The following PLEKHH1 variants were observed in gnomAD, a reference collection of about 807,000 sequenced individuals.
PLEKHH1 encodes pleckstrin homology, MyTH4 and FERM domain containing H1, also known as pleckstrin homology domain-containing family H member 1.
In PLEKHH1, 104 loss-of-function variants were observed where a neutral mutation model predicts 160.0. The observed-to-expected ratio is 0.65, with a 90% CI of 0.55 to 0.76. The LOEUF is 0.76. Among genes scored for constraint, PLEKHH1 ranks in the 30% least tolerant of loss-of-function variants. The probability of loss-of-function intolerance (pLI) is 0.00; values close to 1 mark genes in which losing one functional copy is unlikely to be tolerated. For missense variants in PLEKHH1, 1,427 were observed against 1,724.1 expected, an observed-to-expected ratio of 0.83 and a Z score of 3.05; for synonymous variants, 619 against 678.4, an observed-to-expected ratio of 0.91 and a Z score of 1.36.
Position 67,542,540 on chromosome 14 carries a change from TATATC to T in PLEKHH1, c.126+549_126+553del, listed in dbSNP as rs200881920. On this transcript the variant is annotated intron_variant, in intron 2 of 28. Transcript: ENST00000329153. ...TACTTCTAAGAGTTATTTTGAGAAT[TATATC>T]AGATCACATATGTAAAGGTCCTGAC... Among the ~76,000 whole-genome samples, 1,016 of 152,336 alleles carry T rather than the reference TATATC, an allele frequency of 6.7e-3. 19 individuals are homozygous for T. Among genetic ancestry groups the T allele is most frequent in the African/African-American group, 0.023 (973 of 41,568 alleles).
intron 1 of PLEKHH1, 68 bp from the exon 2 acceptor site, chr14:67,541,766 T>A (rs2033972789): frequency 8.9e-7 from 1 of 1,123,282 alleles, no homozygotes; most frequent in East Asian, 2.8e-5. Flanking sequence ...CCCCTCCCGT[T>A]CTTTCCCCAC....
intron 2 of PLEKHH1, among the ~76,000 whole-genome samples, chr14:67,548,395 G>T (rs972831088): frequency 2.0e-5 from 3 of 152,082 alleles, no homozygotes; most frequent in Non-Finnish European, 1.5e-5. Flanking sequence ...GGCTTTGAGG[G>T]TATTAATAAA....
chr14:67,582,352 GC>G lies in PLEKHH1; in HGVS notation c.3426+143del. 7.0e-7 allele frequency: 1 copy of G among 1,425,890 alleles called. No homozygotes were observed. The highest frequency in any genetic ancestry group is 9.6e-7 in the Non-Finnish European group (1 of 1,043,468). 88.3% of individuals were successfully genotyped at this position (1,425,890 alleles called of 1,614,324 possible). A position where few individuals can be genotyped will look rare whatever the true frequency, so the allele number is the denominator to read the frequency against. On this transcript the variant is annotated intron_variant, in intron 24 of 28. Transcript: ENST00000329153. The surrounding 1 kb of genome is among the most constrained non-coding windows in gnomAD (Gnocchi z 5.0). ...TTTGCCATCTCTGGGATGGAAAGCAGCTGACTTCTACAGATCAGAGCTCCTC... is the reference window on the plus strand; with the variant it reads ...TTTGCCATCTCTGGGATGGAAAGCAGTGACTTCTACAGATCAGAGCTCCTC...
intron 7 of PLEKHH1, among the ~76,000 whole-genome samples, chr14:67,565,356 A>T (rs2035037926): frequency 6.6e-6 from 1 of 151,958 alleles, no homozygotes; most frequent in African/African-American, 2.4e-5. Flanking sequence ...GGATCTTTCC[A>T]CCCCAGCCTT....
intron 1 of PLEKHH1, among the ~76,000 whole-genome samples, chr14:67,539,457 T>C (rs2033878678): frequency 6.6e-6 from 1 of 152,184 alleles, no homozygotes; most frequent in South Asian, 2.1e-4. Context: ...GTTTAATTGT[T>C]GGGCCTTTCT....
rs1208475167 is a variant in PLEKHH1 at position 67,577,493 on chromosome 14, A to G, written c.2574+79A>G. 6.6e-6 allele frequency: 6 copies of G among 909,988 alleles called. No individual in the cohort carries two copies. The African/African-American group carries it at 9.8e-5, about 15-fold the overall frequency. 56.4% of individuals were successfully genotyped at this position (909,988 alleles called of 1,614,324 possible). ...GGAGAAGGCCTGTGCAGTTGGGGAC[A>G]ACCCACAGAGGGATCTGGAGAGGAA... On this transcript the variant is annotated intron_variant, in intron 18 of 28. Coordinates refer to ENST00000329153, the MANE Select transcript of PLEKHH1 (RefSeq NM_020715.3).
rs545638443 is a variant in PLEKHH1 at position 67,562,870 on chromosome 14, C to G, written c.1239C>G (p.Pro413=). 2 of 1,612,904 alleles carry G rather than the reference C, an allele frequency of 1.2e-6. No homozygotes were observed. Among genetic ancestry groups the G allele is most frequent in the South Asian group, 1.1e-5 (1 of 91,018 alleles). Residue 413 remains proline, a synonymous_variant, in exon 7 of 29, where the codon CCC becomes CCG. Transcript: ENST00000329153. ...EVELGNKPPT[P]PLHQFSSWES... ...AGCTGGGTAACAAGCCACCTACACC[C>G]CCGCTGCACCAGTTTTCATCCTGGG...
intron 2 of PLEKHH1, among the ~76,000 whole-genome samples, chr14:67,548,422 G>A (rs1165661702): frequency 6.6e-6 from 1 of 152,312 alleles, no homozygotes; most frequent in East Asian, 1.9e-4. Context: ...AATAGGCCAG[G>A]AGTGGTGGCT....
rs1190303064 is a variant in PLEKHH1 at position 67,556,446 on chromosome 14, ATTTT to A, written c.189+560_189+563del. Among the ~76,000 whole-genome samples, 4 of 152,018 alleles carry A rather than the reference ATTTT, an allele frequency of 2.6e-5. No homozygotes were observed. The East Asian group carries it at 7.7e-4, about 29-fold the overall frequency. On this transcript the variant is annotated intron_variant, in intron 3 of 28. Coordinates refer to ENST00000329153, the MANE Select transcript of PLEKHH1 (RefSeq NM_020715.3). ...CCACTGTGCCTAGCCTTATTTATTT[ATTTT>A]ATTTTTTAAATAGAGACAGGATCTC...
At chr14:67,563,043 C>A (rs2034915636) in intron 7 of PLEKHH1, 149 bp downstream of exon 7, 1 of 752,610 alleles carries the variant, frequency 1.3e-6, no homozygotes, top group African/African-American at 1.8e-5. Context: ...CCTGTGCAGA[C>A]CACACAACCA....
Position 67,552,684 on chromosome 14 carries a change from G to A in PLEKHH1, c.127-3141G>A, listed in dbSNP as rs866928471. On this transcript the variant is annotated intron_variant, in intron 2 of 28. Coordinates refer to ENST00000329153, the MANE Select transcript of PLEKHH1 (RefSeq NM_020715.3). ...CGGGAGGCTAAGGCAGGAGAATGGC[G>A]GGAACCCGGGAGGCGGAGCTTGCAG... Among the ~76,000 whole-genome samples, 41 of 152,062 alleles carry A rather than the reference G, an allele frequency of 2.7e-4. 1 individual carries two copies. The Middle Eastern group carries it at 0.014, about 50-fold the overall frequency.
intron 3 of PLEKHH1, 82 bp from the exon 4 acceptor site, chr14:67,557,187 C>A: frequency 1.7e-6 from 2 of 1,157,106 alleles, no homozygotes; most frequent in Non-Finnish European, 2.5e-6. Context: ...GGGCATCAGA[C>A]GGTGTCCCAT....
At chr14:67,566,317 T>C (rs562619073) in intron 7 of PLEKHH1, among the ~76,000 whole-genome samples, 94 of 152,250 alleles carry the variant, frequency 6.2e-4, no homozygotes, top group African/African-American at 2.2e-3. Context: ...CTGGCTCTCT[T>C]CTTGCTCTGG....
At chr14:67,570,124 GC>G in intron 9 of PLEKHH1, 112 bp downstream of exon 9, 5 of 798,002 alleles carry the variant, frequency 6.3e-6, no homozygotes, top group East Asian at 2.7e-5. Context: ...TGGTGACCCT[GC>G]CCAGGGAGCT....
intron 3 of PLEKHH1, 67 bp from the exon 4 acceptor site, chr14:67,557,202 C>CG: frequency 2.9e-6 from 4 of 1,396,390 alleles, no homozygotes; most frequent in Non-Finnish European, 4.0e-6. Flanking sequence ...TCCCATCCCA[C>CG]GTTACTGGCC....
At chr14:67,552,941 T>C (rs1335486061) in intron 2 of PLEKHH1, among the ~76,000 whole-genome samples, 3 of 152,134 alleles carry the variant, frequency 2.0e-5, no homozygotes, top group Non-Finnish European at 4.4e-5. Context: ...ATGGGATAGA[T>C]AATAAAATCC....
At position 67,560,674 on chromosome 14, in the gene PLEKHH1, C is replaced by G. The variant is rs114440905; in HGVS notation, c.423+983C>G. On this transcript the variant is annotated intron_variant, in intron 5 of 28. Coordinates refer to ENST00000329153, the MANE Select transcript of PLEKHH1 (RefSeq NM_020715.3). ...ATCACCAACAGACAGAAAACAACCTCCTTCTAAATAAAAGGAGTGGGAATT... is the reference window on the plus strand; with the variant it reads ...ATCACCAACAGACAGAAAACAACCTGCTTCTAAATAAAAGGAGTGGGAATT... Among the ~76,000 whole-genome samples the G allele has an allele frequency of 7.0e-3, 1,065 of 152,130 alleles. 12 individuals are homozygous for G. Among genetic ancestry groups the G allele is most frequent in the African/African-American group, 0.024 (1,001 of 41,486 alleles).
chr14:67,556,664 G>C (rs1428466046), intron 3 of PLEKHH1, among the ~76,000 whole-genome samples: 1 of 152,184 alleles, frequency 6.6e-6, no homozygotes, highest in Non-Finnish European at 1.5e-5. Flanking sequence ...GAGGCGAGAG[G>C]ATCTCTTGAC....
intron 2 of PLEKHH1, 82 bp downstream of exon 2, chr14:67,542,075 C>A: frequency 7.7e-7 from 1 of 1,303,254 alleles, no homozygotes; most frequent in Non-Finnish European, 1.0e-6. Flanking sequence ...GGGAGAGTTG[C>A]GGAAAGTCAA....
Sources: gnomAD v4.1 joint callset for allele counts (sites outside exome capture counted in the v4.1 genomes callset) on GRCh38, gnomAD v4.1.1 for gene constraint, Gnocchi (gnomAD v3.1) non-coding constraint, MANE v1.5 for transcripts, NCBI Gene and HGNC (gene_info 2026-07-23, HGNC 2026-07-21) for gene names.